Variants in CCDC88C observed in about 807,000 individuals in gnomAD.
The protein encoded by CCDC88C is protein Daple.
Under a neutral mutation model 198.8 loss-of-function variants are expected in CCDC88C, and 131 were observed. The ratio of observed to expected loss-of-function variants is 0.66; its 90% CI spans 0.57 to 0.76. CCDC88C has a LOEUF of 0.76. Ranked by LOEUF, CCDC88C falls within the 30% of genes least tolerant of loss-of-function variation. CCDC88C has a pLI of 0.00. For missense variants in CCDC88C, 2,553 were observed against 2,631.6 expected (o/e 0.97, Z 0.65); for synonymous variants, 1,166 against 1,114.7 (o/e 1.05, Z -0.92).
chr14:91,274,127 T>C (rs1403502488), intron 29 of CCDC88C, among the ~76,000 whole-genome samples: 2 of 147,530 alleles, frequency 1.4e-5, no homozygotes, highest in Admixed American at 1.4e-4. Flanking sequence ...CAAGAGCAGC[T>C]CTTGAAACGC....
chr14:91,303,582 A>G lies in CCDC88C; in HGVS notation c.3635+119T>C, dbSNP rs969052908. The G allele has an allele frequency of 5.8e-5, 40 of 684,754 alleles. No homozygotes were observed. In the East Asian group the frequency reaches 1.2e-3, roughly 21 times the overall value. 42.4% of individuals were successfully genotyped at this position (684,754 alleles called of 1,614,324 possible). On this transcript the variant is annotated intron_variant, in intron 20 of 29. Transcript: ENST00000389857. ...CCTCCAGGCTCCACCCATCTTCCCCAGGCCCTGCCTCTCCCCTAGGTCCCA... is the reference window on the plus strand; with the variant it reads ...CCTCCAGGCTCCACCCATCTTCCCCGGGCCCTGCCTCTCCCCTAGGTCCCA...
intron 3 of CCDC88C, among the ~76,000 whole-genome samples, chr14:91,390,432 T>C (rs890379472): frequency 2.0e-5 from 3 of 152,228 alleles, no homozygotes; most frequent in East Asian, 1.9e-4. Flanking sequence ...TGCTCTGTGC[T>C]AAATGAAGAA....
At chr14:91,383,139 A>G (rs1884906457) in intron 3 of CCDC88C, among the ~76,000 whole-genome samples, 1 of 152,188 alleles carries the variant, frequency 6.6e-6, no homozygotes, top group African/African-American at 2.4e-5. Context: ...GCTTTCTTAT[A>G]GAGCCCTATT....
intron 3 of CCDC88C, among the ~76,000 whole-genome samples, chr14:91,404,466 T>G (rs1032196775): frequency 2.0e-5 from 3 of 152,176 alleles, no homozygotes; most frequent in African/African-American, 7.2e-5. Flanking sequence ...GTGGTTCCCA[T>G]GGGCATGTGC....
chr14:91,286,956 T>G (rs771598314), intron 25 of CCDC88C, among the ~76,000 whole-genome samples: 1 of 152,084 alleles, frequency 6.6e-6, no homozygotes, highest in Non-Finnish European at 1.5e-5. Flanking sequence ...GCACATAAAG[T>G]AGTTAGAGGG....
At chr14:91,280,939 C>A (rs1471576032) in intron 27 of CCDC88C, among the ~76,000 whole-genome samples, 1 of 152,134 alleles carries the variant, frequency 6.6e-6, no homozygotes, top group Non-Finnish European at 1.5e-5. Context: ...TATTTTCTCA[C>A]CCTTGTAGGG....
At chr14:91,324,658 A>G (rs1892507871) in intron 12 of CCDC88C, 121 bp downstream of exon 12, 11 of 1,255,372 alleles carry the variant, frequency 8.8e-6, no homozygotes, top group Non-Finnish European at 1.2e-5. Flanking sequence ...CTTGAAGGAA[A>G]TCATGTTTGC....
At position 91,273,546 on chromosome 14, in the gene CCDC88C, G is replaced by C; in HGVS notation, c.5166C>G (p.Ala1722=). The C allele has an allele frequency of 6.6e-7, 1 of 1,512,304 alleles. No homozygotes were observed. Among genetic ancestry groups the C allele is most frequent in the Non-Finnish European group, 8.9e-7 (1 of 1,128,890 alleles). 93.7% of individuals were successfully genotyped at this position (1,512,304 alleles called of 1,614,324 possible). The part of the protein sequence containing the change: ...QPGPPAKKEG[A]KMPTNFVAPT... ...GGGCCACAAAGTTGGTGGGCATCTT[G>C]GCCCCTTCTTTCTTGGCAGGTGGTC... Residue 1722 remains alanine (A), a synonymous_variant, in exon 30 of 30, where the codon GCC becomes GCG. Coordinates refer to ENST00000389857, the MANE Select transcript of CCDC88C (RefSeq NM_001080414.4). The surrounding 1 kb of genome is among the most constrained non-coding windows in gnomAD (Gnocchi z 5.6).
chr14:91,338,764 C>T lies in CCDC88C; in HGVS notation c.810-194G>A, dbSNP rs955870204. 1 of 586,052 alleles carries T rather than the reference C, an allele frequency of 1.7e-6. No homozygotes were observed. Among genetic ancestry groups the T allele is most frequent in the Non-Finnish European group, 3.1e-6 (1 of 326,684 alleles). The allele number at this position is 586,052 out of a possible 1,614,324, so 36.3% of individuals were successfully genotyped here. A position where few individuals can be genotyped will look rare whatever the true frequency, so the allele number is the denominator to read the frequency against. ...TTCTTTTCTTTTCATAAGTTTGCAA[C>T]ACCGGCCCTTAAACTATGTCCATCC... On this transcript the variant is annotated intron_variant, in intron 8 of 29. Coordinates refer to ENST00000389857, the MANE Select transcript of CCDC88C (RefSeq NM_001080414.4). This position sits in a 1 kb window ranked among gnomAD's most constrained non-coding sequence, Gnocchi z 4.8.
chr14:91,398,521 G>C (rs113429606), intron 3 of CCDC88C, among the ~76,000 whole-genome samples: 1 of 152,130 alleles, frequency 6.6e-6, no homozygotes, highest in Admixed American at 6.5e-5. Flanking sequence ...GCTGGGCATG[G>C]TGGTGCACAC....
chr14:91,321,043 CCAGA>C, intron 13 of CCDC88C, 73 bp downstream of exon 13: 2 of 1,384,824 alleles, frequency 1.4e-6, no homozygotes. Flanking sequence ...TGTCTGTGCT[CCAGA>C]CAATCACTGG....
At chr14:91,307,254 C>T in intron 17 of CCDC88C, 28 bp from the exon 18 acceptor site, 1 of 1,607,180 alleles carries the variant, frequency 6.2e-7, no homozygotes, top group Non-Finnish European at 8.5e-7. Context: ...AGCAAGGAGG[C>T]TTTAGGCGGA....
chr14:91,293,625 C>A (rs1215701079), intron 23 of CCDC88C, among the ~76,000 whole-genome samples: 1 of 137,250 alleles, frequency 7.3e-6, no homozygotes, highest in Non-Finnish European at 1.7e-5. Context: ...CTCCCCCAGA[C>A]CCCCTGGGGT....
chr14:91,299,729 G>A (rs1300416137), intron 21 of CCDC88C, among the ~76,000 whole-genome samples, 198 bp downstream of exon 21: 5 of 152,226 alleles, frequency 3.3e-5, no homozygotes, highest in Non-Finnish European at 5.9e-5. Context: ...CCATCCCCAG[G>A]TGTCACCTGA....
intron 10 of CCDC88C, among the ~76,000 whole-genome samples, chr14:91,337,039 C>T (rs1331928482): frequency 6.6e-5 from 10 of 152,224 alleles, no homozygotes; most frequent in Non-Finnish European, 1.0e-4. Flanking sequence ...ACTCAGCTCA[C>T]GTTTTCTAAC....
chr14:91,417,359 C>T (rs1887119168), intron 1 of CCDC88C: 2 of 600,826 alleles, frequency 3.3e-6, no homozygotes, highest in African/African-American at 1.9e-5. Context: ...AGCCTAGAGC[C>T]CCAGCGGGAA....
At chr14:91,293,093 C>T (rs1890739714) in intron 23 of CCDC88C, among the ~76,000 whole-genome samples, 1 of 151,270 alleles carries the variant, frequency 6.6e-6, no homozygotes, top group Non-Finnish European at 1.5e-5. Flanking sequence ...TTCCTGTCCT[C>T]ACCTGCCACG....
intron 21 of CCDC88C, among the ~76,000 whole-genome samples, chr14:91,298,172 C>T (rs1891098096): frequency 1.3e-5 from 2 of 152,148 alleles, no homozygotes; most frequent in Admixed American, 6.5e-5. Context: ...TGGTGGCTCA[C>T]GCCTGTAATC....
At chr14:91,327,081 G>A (rs950366435) in intron 10 of CCDC88C, among the ~76,000 whole-genome samples, 5 of 152,156 alleles carry the variant, frequency 3.3e-5, no homozygotes, top group African/African-American at 7.2e-5. Context: ...AGCACCGCTC[G>A]GTATCTGGCG....
Sources: allele counts gnomAD v4.1 joint callset (sites outside exome capture counted in the v4.1 genomes callset), GRCh38; gene constraint gnomAD v4.1.1; non-coding constraint Gnocchi (gnomAD v3.1); transcripts MANE v1.5; gene names NCBI Gene and HGNC (gene_info 2026-07-23, HGNC 2026-07-21).